The following ATXN7 variants were observed in gnomAD, a reference collection of about 807,000 sequenced individuals.
ATXN7 encodes the protein ataxin-7.
Under a neutral mutation model 70.5 loss-of-function variants are expected in ATXN7, and 12 were observed. The ratio of observed to expected loss-of-function variants is 0.17; its 90% CI spans 0.11 to 0.28. The LOEUF (loss-of-function observed/expected upper bound fraction) is 0.28. Ranked by LOEUF, ATXN7 falls within the 10% of genes least tolerant of loss-of-function variation. The pLI, the probability that ATXN7 is intolerant of heterozygous loss-of-function variation, is 1.00. For synonymous variants in ATXN7, 498 were observed against 448.7 expected, an observed-to-expected ratio of 1.11 and a Z score of -1.39; for missense variants, 1,256 against 1,131.7, an observed-to-expected ratio of 1.11 and a Z score of -1.58.
At chr3:63,875,967 C>T (rs146770893) in intron 1 of ATXN7, among the ~76,000 whole-genome samples, 3 of 152,254 alleles carry the variant, frequency 2.0e-5, no homozygotes, top group East Asian at 3.9e-4. Flanking sequence ...GCTTTTGGAA[C>T]CTTGTTCTGA....
At position 63,952,389 on chromosome 3, in the gene ATXN7, A is replaced by T; in HGVS notation, c.405A>T (p.Ile135=). Residue 135 remains isoleucine, a synonymous_variant, in exon 5 of 13, where the codon ATA becomes ATT. Coordinates refer to ENST00000674280, the MANE Select transcript of ATXN7 (RefSeq NM_001377405.1). ...GTTTCTGTGTTGCAGACATGCCAAT[A>T]TTTGGTTTCTGTCCAGCCCATGATG... ...VMGLCREDMP[I]FGFCPAHDDF... is the part of the protein sequence containing the mutation. 6.2e-7 allele frequency: 1 copy of T among 1,609,250 alleles called. No homozygotes were observed. Among genetic ancestry groups the T allele is most frequent in the East Asian group, 2.2e-5 (1 of 44,714 alleles).
intron 4 of ATXN7, among the ~76,000 whole-genome samples, chr3:63,913,878 G>T (rs1408100363): frequency 6.6e-6 from 1 of 152,168 alleles, no homozygotes; most frequent in Non-Finnish European, 1.5e-5. Flanking sequence ...AATAGGGTAT[G>T]CCTCCAAATG....
chr3:63,871,419 C>T (rs1226018472), intron 1 of ATXN7, among the ~76,000 whole-genome samples: 1 of 151,910 alleles, frequency 6.6e-6, no homozygotes, highest in Non-Finnish European at 1.5e-5. Context: ...ACAGTTTGGG[C>T]AATATGAACC....
intron 5 of ATXN7, among the ~76,000 whole-genome samples, chr3:63,963,116 A>G (rs1202794069): frequency 5.9e-5 from 9 of 151,936 alleles, no homozygotes; most frequent in Admixed American, 2.6e-4. Context: ...GGGTTTCACC[A>G]TGTTGCCCAG....
chr3:63,888,335 T>G (rs947503621), intron 1 of ATXN7, among the ~76,000 whole-genome samples: 2 of 152,216 alleles, frequency 1.3e-5, no homozygotes, highest in Admixed American at 6.5e-5. Context: ...TTCACCCAGT[T>G]TCTCCCATTT....
intron 1 of ATXN7, among the ~76,000 whole-genome samples, chr3:63,893,612 T>C (rs1703353753): frequency 6.6e-6 from 1 of 152,140 alleles, no homozygotes; most frequent in Non-Finnish European, 1.5e-5. Flanking sequence ...TTCTACGAAG[T>C]GTTGAGAAAG....
Position 63,967,900 on chromosome 3 carries a change from C to A in ATXN7, c.500-12015C>A, listed in dbSNP as rs77698491. On this transcript the variant is annotated intron_variant, in intron 5 of 12. Coordinates refer to ENST00000674280, the MANE Select transcript of ATXN7 (RefSeq NM_001377405.1). ...TAGCAAGTGTGCAATGAAGCACAAC[C>A]AAATTCTGTGAATGGAAGGTAGCAA... The A allele has an allele frequency of 5.2e-5, 80 of 1,535,922 alleles. No homozygotes were observed. The African/African-American group carries it at 9.4e-4, about 18-fold the overall frequency.
chr3:63,969,224 A>C (rs1270793307), intron 5 of ATXN7, among the ~76,000 whole-genome samples: 1 of 152,212 alleles, frequency 6.6e-6, no homozygotes, highest in Non-Finnish European at 1.5e-5. Flanking sequence ...GGCTGTGTTC[A>C]AAATGTGAGG....
At position 63,995,889 on chromosome 3, in the gene ATXN7, C is replaced by T. The variant is rs775061135; in HGVS notation, c.2067C>T (p.Ser689=). 6 of 1,614,232 alleles carry T rather than the reference C, an allele frequency of 3.7e-6. No homozygotes were observed. The South Asian group carries it at 6.6e-5, about 18-fold the overall frequency. ...SLRPKESSGN[S]TNCQNASSST... The stretch of plus-strand genomic sequence containing the variant: ...GGCCCAAGGAGTCTTCTGGTAACAG[C>T]ACTAACTGTCAAAATGCCAGTAGCA... Residue 689 remains serine, a synonymous_variant, in exon 12 of 13, where the codon AGC becomes AGT. Coordinates refer to ENST00000674280, the MANE Select transcript of ATXN7 (RefSeq NM_001377405.1).
chr3:63,982,036 C>G, intron 6 of ATXN7, 150 bp from the exon 7 acceptor site: 1 of 1,038,498 alleles, frequency 9.6e-7, no homozygotes, highest in South Asian at 1.6e-5. Context: ...ATGAACCTTA[C>G]TAACAAAACT....
At chr3:63,994,091 C>T (rs889733630) in intron 11 of ATXN7, among the ~76,000 whole-genome samples, 1 of 152,116 alleles carries the variant, frequency 6.6e-6, no homozygotes, top group Non-Finnish European at 1.5e-5. Flanking sequence ...GATGTCTGTC[C>T]CCACTCCCCG....
At chr3:63,980,445 A>G (rs2075466769) in intron 6 of ATXN7, 2 of 439,586 alleles carry the variant, frequency 4.5e-6, no homozygotes, top group Non-Finnish European at 8.3e-6. Flanking sequence ...GTCACTTATC[A>G]CAACAACCCT....
At chr3:63,998,200 A>AGGGG (rs143795156) in intron 12 of ATXN7, 96 of 564,008 alleles carry the variant, frequency 1.7e-4, no homozygotes, top group East Asian at 2.2e-4. Context: ...AAAGGACAGA[A>AGGGG]GGGGGGGGGG....
chr3:63,883,102 C>T (rs894385829), intron 1 of ATXN7, among the ~76,000 whole-genome samples: 1 of 152,192 alleles, frequency 6.6e-6, no homozygotes, highest in African/African-American at 2.4e-5. Context: ...CTTCCATCAA[C>T]CTCAGCAGTT....
At chr3:63,909,336 C>G (rs908603514) in intron 2 of ATXN7, among the ~76,000 whole-genome samples, 24 of 152,122 alleles carry the variant, frequency 1.6e-4, no homozygotes, top group Admixed American at 1.6e-3. Flanking sequence ...GAGGCCAAGG[C>G]AGGAGGACTG....
At position 63,982,248 on chromosome 3, in the gene ATXN7, C is replaced by G. The variant is rs1357870796; in HGVS notation, c.815C>G (p.Ser272Cys). The G allele has an allele frequency of 6.2e-7, 1 of 1,614,146 alleles. No homozygotes were observed. Among genetic ancestry groups the G allele is most frequent in the Non-Finnish European group, 8.5e-7 (1 of 1,180,030 alleles). The change falls in exon 7 of 13, where the codon TCT becomes TGT. Residue 272 changes from serine to cysteine, a missense_variant. Physicochemically the swap from Ser to Cys is moderately radical, Grantham distance 112 (BLOSUM62 -1). Transcript: ENST00000674280. ...HPKMDGTLLKSAVGPTCPATV... is the reference protein window; with the variant it reads ...HPKMDGTLLKCAVGPTCPATV... ...AAAATGGATGGCACACTACTGAAAT[C>G]TGCGGTGGGGCCAACCTGTCCTGCT...
At chr3:63,908,561 T>TA (rs1454348232) in intron 2 of ATXN7, among the ~76,000 whole-genome samples, 1 of 152,268 alleles carries the variant, frequency 6.6e-6, no homozygotes, top group Non-Finnish European at 1.5e-5. Context: ...TTTACACAGA[T>TA]AAGTATACTG....
intron 1 of ATXN7, among the ~76,000 whole-genome samples, chr3:63,897,148 A>AT (rs373817530): frequency 1.1e-4 from 17 of 152,246 alleles, no homozygotes; most frequent in African/African-American, 3.4e-4. Context: ...AAAGAAATGC[A>AT]TTTTGGCTCA....
In ATXN7 at chr3:63,996,062, C is replaced by T; in HGVS notation, c.2240C>T (p.Pro747Leu). The change falls in exon 12 of 13, where the codon CCC becomes CTC. Residue 747 changes from proline to leucine, a missense_variant. Transcript: ENST00000674280. ...NCVAHSGPPY[P>L]STVTSSHSIG... ...GTGGCTCACTCTGGGCCTCCCTACC[C>T]CTCAACGGTAACATCTTCCCATAGC... The T allele has an allele frequency of 1.2e-6, 2 of 1,614,200 alleles. No homozygotes were observed. The highest frequency in any genetic ancestry group is 1.7e-6 in the Non-Finnish European group (2 of 1,180,034).
Sources: allele counts gnomAD v4.1 joint callset (sites outside exome capture counted in the v4.1 genomes callset), GRCh38; gene constraint gnomAD v4.1.1; transcripts MANE v1.5; gene names NCBI Gene and HGNC (gene_info 2026-07-23, HGNC 2026-07-21).